PRKCA: variants seen among roughly 807,000 people sequenced by gnomAD.
The protein encoded by PRKCA is protein kinase C alpha type.
Under a neutral mutation model 87.0 loss-of-function variants are expected in PRKCA, and 27 were observed. The observed-to-expected ratio is 0.31, with a 90% CI of 0.23 to 0.43. PRKCA has a LOEUF of 0.43. PRKCA is among the 20% of genes least tolerant of loss of function. The pLI is 1.00. For synonymous variants in PRKCA, 329 were observed against 311.1 expected, an observed-to-expected ratio of 1.06 and a Z score of -0.61; for missense variants, 518 against 852.3, an observed-to-expected ratio of 0.61 and a Z score of 4.88.
At chr17:66,400,654 G>A (rs1415374897) in intron 2 of PRKCA, among the ~76,000 whole-genome samples, 2 of 152,198 alleles carry the variant, frequency 1.3e-5, no homozygotes, top group Non-Finnish European at 2.9e-5. Context: ...GAGATTGCTG[G>A]ATTACATGAT....
At chr17:66,371,901 G>A (rs1007794217) in intron 2 of PRKCA, among the ~76,000 whole-genome samples, 15 of 152,144 alleles carry the variant, frequency 9.9e-5, no homozygotes, top group African/African-American at 3.1e-4. Flanking sequence ...TATTATAGGC[G>A]TCTCATATTT....
intron 2 of PRKCA, among the ~76,000 whole-genome samples, chr17:66,377,555 C>T (rs1393786967): frequency 6.9e-6 from 1 of 144,700 alleles, no homozygotes; most frequent in Non-Finnish European, 1.5e-5. Context: ...ATATATAATG[C>T]CTATATTACA....
chr17:66,522,215 T>G (rs1967184011), intron 3 of PRKCA, among the ~76,000 whole-genome samples: 1 of 152,174 alleles, frequency 6.6e-6, no homozygotes, highest in African/African-American at 2.4e-5. Flanking sequence ...GGAGAGCTGG[T>G]GGATACCCCG....
intron 2 of PRKCA, among the ~76,000 whole-genome samples, chr17:66,323,838 G>A (rs971967734): frequency 6.6e-6 from 1 of 152,124 alleles, no homozygotes; most frequent in Non-Finnish European, 1.5e-5. Context: ...TACTGTGGAG[G>A]CTGAGACAGA....
At chr17:66,693,588 C>G (rs920383884) in intron 8 of PRKCA, among the ~76,000 whole-genome samples, 1 of 152,148 alleles carries the variant, frequency 6.6e-6, no homozygotes, top group Admixed American at 6.6e-5. Context: ...CTGTTTTTCC[C>G]TCTCACTGCT....
chr17:66,370,137 G>A (rs978563102), intron 2 of PRKCA, among the ~76,000 whole-genome samples: 7 of 151,894 alleles, frequency 4.6e-5, no homozygotes, highest in Admixed American at 3.3e-4. Context: ...CCTTCCTGAC[G>A]GTAAGGACAG....
chr17:66,616,273 G>A (rs1475961825), intron 3 of PRKCA, among the ~76,000 whole-genome samples: 4 of 152,132 alleles, frequency 2.6e-5, no homozygotes, highest in African/African-American at 7.2e-5. Context: ...AGGGGTCCTT[G>A]TCCCCCACTC....
rs1267255229 is a variant in PRKCA, at chr17:66,302,932, G to A, written c.81G>A (p.Arg27=). 1.9e-6 allele frequency: 3 copies of A among 1,612,598 alleles called. No individual in the cohort carries two copies. Among genetic ancestry groups the A allele is most frequent in the Non-Finnish European group, 1.7e-6 (2 of 1,179,350 alleles). The change falls in exon 1 of 17, where the codon AGG becomes AGA. Residue 27 remains arginine, a synonymous_variant. Coordinates refer to ENST00000413366, the MANE Select transcript of PRKCA (RefSeq NM_002737.3). ...ANRFARKGAL[R]QKNVHEVKDH... The stretch of plus-strand genomic sequence containing the variant: ...GCTTCGCCCGCAAAGGGGCGCTGAG[G>A]CAGAAGAACGTGCACGAGGTGAAGG...
chr17:66,562,271 T>C (rs923163924), intron 3 of PRKCA, among the ~76,000 whole-genome samples: 40 of 146,830 alleles, frequency 2.7e-4, no homozygotes, highest in African/African-American at 8.0e-4. Flanking sequence ...AAGTAAAACA[T>C]AACAAAAGAA....
intron 2 of PRKCA, among the ~76,000 whole-genome samples, chr17:66,478,130 A>G (rs936637249): frequency 1.3e-5 from 2 of 152,228 alleles, no homozygotes; most frequent in Admixed American, 6.5e-5. Flanking sequence ...AGGTGTTGGT[A>G]GATAAGAGGC....
At chr17:66,616,231 G>A (rs976582570) in intron 3 of PRKCA, among the ~76,000 whole-genome samples, 30 of 152,190 alleles carry the variant, frequency 2.0e-4, no homozygotes, top group African/African-American at 7.0e-4. Flanking sequence ...AACATGTCAT[G>A]TGGAATTAGC....
chr17:66,620,011 C>A (rs574230418), intron 3 of PRKCA, among the ~76,000 whole-genome samples: 3 of 152,056 alleles, frequency 2.0e-5, no homozygotes, highest in African/African-American at 7.2e-5. Context: ...TCAGCCACAC[C>A]GTCACATGTT....
chr17:66,663,247 T>G (rs1971955346), intron 5 of PRKCA, among the ~76,000 whole-genome samples: 1 of 152,204 alleles, frequency 6.6e-6, no homozygotes, highest in African/African-American at 2.4e-5. Context: ...AGAAAGAAGG[T>G]TGGTGTCACT....
At chr17:66,577,717 G>T (rs571304818) in intron 3 of PRKCA, among the ~76,000 whole-genome samples, 1 of 151,764 alleles carries the variant, frequency 6.6e-6, no homozygotes, top group Admixed American at 6.6e-5. Flanking sequence ...TTTTTATTGC[G>T]TCCATGTATT....
At chr17:66,366,546 TGAG>T (rs895421692) in intron 2 of PRKCA, among the ~76,000 whole-genome samples, 11 of 152,154 alleles carry the variant, frequency 7.2e-5, no homozygotes, top group African/African-American at 1.2e-4. Context: ...TTAGCTGAAT[TGAG>T]GAGATGAATT....
At chr17:66,304,846 A>T (rs1462099500) in intron 1 of PRKCA, among the ~76,000 whole-genome samples, 1 of 142,328 alleles carries the variant, frequency 7.0e-6, no homozygotes, top group African/African-American at 2.7e-5. Context: ...ATTTCGGAGC[A>T]TCAGGGCAAA....
At position 66,684,264 on chromosome 17, in the gene PRKCA, T is replaced by C. The variant is rs536364175; in HGVS notation, c.530-2847T>C. On this transcript the variant is annotated intron_variant, in intron 5 of 16. Transcript: ENST00000413366. ...GTGCCTATCACTGCTCTAAGCACTTTACATGGATGAGCCTACATAATCCTT... is the reference window on the plus strand; with the variant it reads ...GTGCCTATCACTGCTCTAAGCACTTCACATGGATGAGCCTACATAATCCTT... Among the ~76,000 whole-genome samples the C allele has an allele frequency of 3.0e-4, 45 of 152,342 alleles. No individual in the cohort carries two copies. In the South Asian group the frequency reaches 7.2e-3, roughly 25 times the overall value.
intron 2 of PRKCA, among the ~76,000 whole-genome samples, chr17:66,362,410 C>T (rs1908438911): frequency 6.6e-6 from 1 of 152,210 alleles, no homozygotes; most frequent in Non-Finnish European, 1.5e-5. Flanking sequence ...ACTCTTTAGC[C>T]TTCCTGATGC....
chr17:66,563,686 A>G (rs968100975), intron 3 of PRKCA, among the ~76,000 whole-genome samples: 2 of 152,132 alleles, frequency 1.3e-5, no homozygotes, highest in African/African-American at 4.8e-5. Context: ...TCTCCTGTTG[A>G]CTTAGTCTGA....
Sources: allele counts gnomAD v4.1 joint callset (sites outside exome capture counted in the v4.1 genomes callset), GRCh38; gene constraint gnomAD v4.1.1; transcripts MANE v1.5; gene names NCBI Gene and HGNC (gene_info 2026-07-23, HGNC 2026-07-21).